NRK: variants seen among roughly 807,000 people sequenced by gnomAD.
NRK encodes Nik related kinase.
Under a neutral mutation model 125.2 loss-of-function variants are expected in NRK, and 67 were observed. The ratio of observed to expected loss-of-function variants is 0.54; its 90% CI spans 0.44 to 0.66. The LOEUF is 0.66. Ranked by LOEUF, NRK falls within the 30% of genes least tolerant of loss-of-function variation. The pLI, the probability that NRK is intolerant of heterozygous loss-of-function variation, is 0.00. For missense variants in NRK, 1,224 were observed against 1,192.9 expected (o/e 1.03, Z -0.38); for synonymous variants, 458 against 429.0 (o/e 1.07, Z -0.84).
chrX:105,936,747 A>G (rs751443544), intron 21 of NRK, among the ~76,000 whole-genome samples: 1 of 111,548 alleles, frequency 9.0e-6, no homozygotes, highest in Non-Finnish European at 1.9e-5. Flanking sequence ...TGGTCTTTAA[A>G]CAGTGCTTAT....
chrX:105,924,777 G>A lies in NRK; in HGVS notation c.3058G>A (p.Gly1020Arg). Residue 1020 changes from glycine (G) to arginine (R), a missense_variant, in exon 19 of 29, where the codon GGA (glycine) becomes AGA (arginine). Transcript: ENST00000243300. ...RGKEEAYRGYGSHTANRSHGG... is the reference protein window; with the variant it reads ...RGKEEAYRGYRSHTANRSHGG... ...AAAAGAGGAAGCCTACAGAGGCTAT[G>A]GAAGCCATACAGCCAATAGAAGCCA... 1 of 1,208,174 alleles carries A rather than the reference G, an allele frequency of 8.3e-7. No homozygotes were observed. Among genetic ancestry groups the A allele is most frequent in the Non-Finnish European group, 1.1e-6 (1 of 893,188 alleles).
chrX:105,904,047 ACT>A (rs1331072519), intron 9 of NRK, among the ~76,000 whole-genome samples: 1 of 111,147 alleles, frequency 9.0e-6, no homozygotes, highest in African/African-American at 3.3e-5. Context: ...TAATAAAATC[ACT>A]CTGTGGAGTT....
At chrX:105,829,860 T>C (rs753849750) in intron 1 of NRK, among the ~76,000 whole-genome samples, 1 of 111,462 alleles carries the variant, frequency 9.0e-6, no homozygotes, top group Non-Finnish European at 1.9e-5. Flanking sequence ...TATTTAGTGA[T>C]GGTATTTCTT....
intron 19 of NRK, among the ~76,000 whole-genome samples, chrX:105,933,086 G>C (rs1220078598): frequency 1.8e-5 from 2 of 110,364 alleles, no homozygotes; most frequent in African/African-American, 3.3e-5. Context: ...AGTTTGAAAA[G>C]AAAGAAAAAA....
chrX:105,918,098 T>G (rs1348527024), intron 16 of NRK, among the ~76,000 whole-genome samples: 7 of 111,288 alleles, frequency 6.3e-5, no homozygotes, highest in Non-Finnish European at 1.3e-4. Context: ...CTCTCCAAAA[T>G]AGGACAATAT....
At chrX:105,837,633 A>T (rs1403134339) in intron 2 of NRK, among the ~76,000 whole-genome samples, 2 of 110,913 alleles carry the variant, frequency 1.8e-5, no homozygotes, top group Non-Finnish European at 3.8e-5. Context: ...CCTCACTTGA[A>T]ATTGTGGGTT....
At position 105,901,340 on chromosome X, in the gene NRK, G is replaced by A. The variant is rs540102593; in HGVS notation, c.766+668G>A. On this transcript the variant is annotated intron_variant, in intron 9 of 28. Transcript: ENST00000243300. ...AATGGAATGTAAACTGGGTATAAGT[G>A]ATTGATAACCATCTAATGTGTGACT... is the stretch of plus-strand genomic sequence containing the variant. Among the ~76,000 whole-genome samples the A allele has an allele frequency of 6.3e-5, 7 of 111,535 alleles. No individual in the cohort carries two copies. The South Asian group carries it at 2.7e-3, about 43-fold the overall frequency.
At chrX:105,895,957 G>A (rs1466890022) in intron 7 of NRK, among the ~76,000 whole-genome samples, 2 of 111,872 alleles carry the variant, frequency 1.8e-5, no homozygotes, top group Non-Finnish European at 3.8e-5. Context: ...TTTAAATTAT[G>A]TAAGGATGAA....
chrX:105,954,320 C>T (rs904891326), intron 28 of NRK, among the ~76,000 whole-genome samples: 1 of 110,908 alleles, frequency 9.0e-6, no homozygotes, highest in Non-Finnish European at 1.9e-5. Context: ...CTGTATAGAG[C>T]AAACTCTGTA....
intron 6 of NRK, 71 bp downstream of exon 6, chrX:105,894,013 T>G (rs1316722727): frequency 2.1e-5 from 11 of 527,781 alleles, no homozygotes; most frequent in Non-Finnish European, 2.8e-5. Flanking sequence ...ATGCACCTTA[T>G]ACCTGCTCAC....
At chrX:105,872,102 A>T (rs754258618) in intron 2 of NRK, among the ~76,000 whole-genome samples, 42 of 111,295 alleles carry the variant, frequency 3.8e-4, no homozygotes, top group Non-Finnish European at 7.4e-4. Flanking sequence ...AAAGGAAAAA[A>T]CCACACCTAA....
intron 1 of NRK, among the ~76,000 whole-genome samples, chrX:105,825,292 G>T (rs1475561058): frequency 1.8e-5 from 2 of 111,959 alleles, no homozygotes; most frequent in Non-Finnish European, 3.8e-5. Flanking sequence ...TTCATATGAT[G>T]GTATCCCTTG....
rs183948260 is a variant in NRK at position 105,874,690 on chromosome X, A to G, written c.124-5509A>G. Among the ~76,000 whole-genome samples, 473 of 111,951 alleles carry G rather than the reference A, an allele frequency of 4.2e-3. 2 individuals are homozygous for G. The highest frequency in any genetic ancestry group is 6.6e-3 in the Non-Finnish European group (349 of 53,045). ...TGTATGTGAGCAGTATCTTAAATTC[A>G]GGGACATGCAACATATTCTTTTCGT... On this transcript the variant is annotated intron_variant, in intron 2 of 28. Coordinates refer to ENST00000243300, the MANE Select transcript of NRK (RefSeq NM_198465.4).
At chrX:105,843,452 A>G (rs1481673462) in intron 2 of NRK, among the ~76,000 whole-genome samples, 1 of 112,343 alleles carries the variant, frequency 8.9e-6, no homozygotes, top group East Asian at 2.8e-4. Flanking sequence ...GGACTGAGTA[A>G]TGACACCCTG....
At chrX:105,910,018 G>A (rs2040278721) in intron 13 of NRK, 136 bp downstream of exon 13, 1 of 454,579 alleles carries the variant, frequency 2.2e-6, no homozygotes, top group African/African-American at 2.5e-5. Flanking sequence ...TAAATAATTT[G>A]TACTTCAAAT....
chrX:105,885,280 A>G (rs2039929262), intron 4 of NRK, among the ~76,000 whole-genome samples: 1 of 112,015 alleles, frequency 8.9e-6, no homozygotes, highest in South Asian at 3.7e-4. Context: ...CAAGTACAGA[A>G]TCACTTCCTG....
At chrX:105,917,760 A>C in intron 16 of NRK, 88 bp downstream of exon 16, 1 of 482,998 alleles carries the variant, frequency 2.1e-6, no homozygotes, top group Non-Finnish European at 3.3e-6. Context: ...GAAGAATTTC[A>C]AGAAGGAATG....
chrX:105,870,685 AG>A (rs1372474154), intron 2 of NRK, among the ~76,000 whole-genome samples: 3 of 111,766 alleles, frequency 2.7e-5, no homozygotes, highest in Admixed American at 9.5e-5. Context: ...GTTTCCCTGC[AG>A]GAGTAATAAC....
Position 105,946,017 on chromosome X carries a change from C to G in NRK, c.4203+2C>G, listed in dbSNP as rs1193674717. 8.3e-7 allele frequency: 1 copy of G among 1,205,811 alleles called. No homozygotes were observed. Among genetic ancestry groups the G allele is most frequent in the Admixed American group, 2.2e-5 (1 of 45,584 alleles). ...CTCCTTCATTTGCTGAAGCTCAAGG[C>G]AAGGAACTTGAAGACAGCAAACAGA... On this transcript the variant is annotated splice_donor_variant, in intron 25 of 28. Coordinates refer to ENST00000243300, the MANE Select transcript of NRK (RefSeq NM_198465.4). LOFTEE classifies it high-confidence loss of function.
Sources: gnomAD v4.1 joint callset for allele counts (sites outside exome capture counted in the v4.1 genomes callset) on GRCh38, gnomAD v4.1.1 for gene constraint, MANE v1.5 for transcripts, NCBI Gene and HGNC (gene_info 2026-07-23, HGNC 2026-07-21) for gene names.